The following PRKAR2B variants were observed in gnomAD, a reference collection of about 807,000 sequenced individuals.
PRKAR2B encodes the protein protein kinase cAMP-dependent type II regulatory subunit beta, also known as cAMP-dependent protein kinase type II-beta regulatory subunit.
PRKAR2B carries 14 observed loss-of-function variants against 49.9 expected under a neutral mutation model. The observed-to-expected ratio is 0.28, with a 90% CI of 0.19 to 0.44. The LOEUF (loss-of-function observed/expected upper bound fraction) is 0.44, where lower values mean the gene tolerates loss of function less well. PRKAR2B is among the 20% of genes least tolerant of loss of function. The pLI is 1.00. For synonymous variants in PRKAR2B, 196 were observed against 197.7 expected, an observed-to-expected ratio of 0.99 and a Z score of 0.07; for missense variants, 393 against 537.9, an observed-to-expected ratio of 0.73 and a Z score of 2.67.
At chr7:107,114,925 C>A (rs1348720615) in intron 2 of PRKAR2B, among the ~76,000 whole-genome samples, 5 of 151,942 alleles carry the variant, frequency 3.3e-5, no homozygotes, top group Admixed American at 3.3e-4. Flanking sequence ...GAGTTTTATT[C>A]TAAATACTGC....
At chr7:107,139,258 T>G (rs1435099076) in intron 4 of PRKAR2B, among the ~76,000 whole-genome samples, 1 of 152,196 alleles carries the variant, frequency 6.6e-6, no homozygotes. Context: ...TGTCAACCAG[T>G]GCACTGTTTA....
At chr7:107,107,749 C>A (rs1435658456) in intron 2 of PRKAR2B, among the ~76,000 whole-genome samples, 1 of 151,972 alleles carries the variant, frequency 6.6e-6, no homozygotes, top group Non-Finnish European at 1.5e-5. Context: ...CCTCTGCCTC[C>A]TGGGTTCAAG....
intron 4 of PRKAR2B, chr7:107,133,519 G>C (rs537258715): frequency 6.6e-6 from 1 of 152,252 alleles, no homozygotes; most frequent in South Asian, 2.1e-4. Flanking sequence ...ACCATATGTT[G>C]CCTGAGTTGA....
intron 2 of PRKAR2B, among the ~76,000 whole-genome samples, chr7:107,119,350 G>A (rs1795347269): frequency 6.6e-6 from 1 of 152,188 alleles, no homozygotes. Flanking sequence ...CGAGGGCCGT[G>A]CATTTGGTTT....
chr7:107,079,532 G>C (rs372203002), intron 2 of PRKAR2B: 2 of 151,972 alleles, frequency 1.3e-5, no homozygotes. Context: ...TTGAGTTGTC[G>C]AATGGTGGCG....
intron 2 of PRKAR2B, among the ~76,000 whole-genome samples, chr7:107,082,839 C>G (rs1404445881): frequency 1.3e-5 from 2 of 152,110 alleles, no homozygotes; most frequent in Non-Finnish European, 2.9e-5. Flanking sequence ...TCAAAGAATC[C>G]AGTGCCCGCC....
At chr7:107,125,086 TC>T (rs1386881551) in intron 3 of PRKAR2B, among the ~76,000 whole-genome samples, 8 of 151,858 alleles carry the variant, frequency 5.3e-5, no homozygotes. Context: ...TGATTTTTTT[TC>T]CCCCAGTCAT....
intron 1 of PRKAR2B, among the ~76,000 whole-genome samples, chr7:107,059,157 A>G (rs569813417): frequency 6.6e-6 from 1 of 152,274 alleles, no homozygotes; most frequent in African/African-American, 2.4e-5. Context: ...ATGTAATGGC[A>G]CATGCCTGTA....
At chr7:107,134,019 CCT>C (rs1160492649) in intron 4 of PRKAR2B, among the ~76,000 whole-genome samples, 1 of 151,524 alleles carries the variant, frequency 6.6e-6, no homozygotes, top group East Asian at 1.9e-4. Flanking sequence ...ACTGTTATGC[CCT>C]GTTTTTTTTT....
chr7:107,103,576 C>A (rs975742231), intron 2 of PRKAR2B, among the ~76,000 whole-genome samples: 1 of 152,214 alleles, frequency 6.6e-6, no homozygotes, highest in Non-Finnish European at 1.5e-5. Flanking sequence ...AACAGACCAG[C>A]AAACTAACCA....
intron 2 of PRKAR2B, among the ~76,000 whole-genome samples, chr7:107,119,016 A>T (rs1239050738): frequency 6.6e-6 from 1 of 152,220 alleles, no homozygotes; most frequent in African/African-American, 2.4e-5. Context: ...ACTATGTGAT[A>T]AAGTGGGTAT....
intron 2 of PRKAR2B, among the ~76,000 whole-genome samples, chr7:107,080,684 T>C (rs1193970723): frequency 1.3e-5 from 2 of 152,228 alleles, no homozygotes; most frequent in African/African-American, 4.8e-5. Flanking sequence ...AACTAAACTT[T>C]CCTTAAGGCT....
intron 2 of PRKAR2B, among the ~76,000 whole-genome samples, chr7:107,112,499 T>G (rs1477665519): frequency 2.0e-5 from 3 of 152,158 alleles, no homozygotes; most frequent in African/African-American, 7.2e-5. Flanking sequence ...ATATTATTAC[T>G]GATTCCTATG....
intron 2 of PRKAR2B, among the ~76,000 whole-genome samples, chr7:107,076,264 C>A (rs563293074): frequency 2.0e-5 from 3 of 152,136 alleles, no homozygotes; most frequent in African/African-American, 7.2e-5. Context: ...AATTTAACAT[C>A]GATACGATAC....
At chr7:107,146,029 C>T (rs10253172) in intron 5 of PRKAR2B, among the ~76,000 whole-genome samples, 129,307 of 152,148 alleles carry the variant, frequency 0.85, 55,234 homozygotes, top group African/African-American at 0.93. Context: ...GTGTGAGACC[C>T]GGCCTCTCCA....
chr7:107,136,876 T>G (rs1192008539), intron 4 of PRKAR2B, among the ~76,000 whole-genome samples: 4 of 152,204 alleles, frequency 2.6e-5, no homozygotes, highest in African/African-American at 9.7e-5. Flanking sequence ...TGTAGCAGCT[T>G]TATTCAAAAT....
At chr7:107,092,277 CTGTGTG>C (rs34049788) in intron 2 of PRKAR2B, among the ~76,000 whole-genome samples, 1 of 146,102 alleles carries the variant, frequency 6.8e-6, no homozygotes, top group Non-Finnish European at 1.5e-5. Flanking sequence ...GTGCGTGTGT[CTGTGTG>C]TGTGTGTGTG....
intron 2 of PRKAR2B, among the ~76,000 whole-genome samples, chr7:107,083,403 T>C (rs1794553192): frequency 6.6e-6 from 1 of 151,712 alleles, no homozygotes; most frequent in African/African-American, 2.4e-5. Context: ...ACAATACTAA[T>C]TAAAATTTAT....
At chr7:107,092,993 C>T (rs1794759518) in intron 2 of PRKAR2B, among the ~76,000 whole-genome samples, 1 of 152,218 alleles carries the variant, frequency 6.6e-6, no homozygotes, top group African/African-American at 2.4e-5. Flanking sequence ...TGGTGACTGG[C>T]TTCTTTCACT....
Sources: allele counts gnomAD v4.1 joint callset (sites outside exome capture counted in the v4.1 genomes callset), GRCh38; gene constraint gnomAD v4.1.1; transcripts MANE v1.5; gene names NCBI Gene and HGNC (gene_info 2026-07-23, HGNC 2026-07-21).